PSME3IP1: variants seen among roughly 807,000 people sequenced by gnomAD.
The protein encoded by PSME3IP1 is proteasome activator subunit 3 interacting protein 1.
PSME3IP1 carries 13 observed loss-of-function variants against 34.1 expected under a neutral mutation model. The ratio of observed to expected loss-of-function variants is 0.38; its 90% CI spans 0.25 to 0.61. PSME3IP1 has a LOEUF of 0.61. PSME3IP1 is among the 20% of genes least tolerant of loss of function. The pLI, the probability that PSME3IP1 is intolerant of heterozygous loss-of-function variation, is 0.60. For synonymous variants in PSME3IP1, 93 were observed against 114.3 expected, an observed-to-expected ratio of 0.81 and a Z score of 1.19; for missense variants, 237 against 301.4, an observed-to-expected ratio of 0.79 and a Z score of 1.58.
At position 57,185,917 on chromosome 16, in the gene PSME3IP1, G is replaced by C; in HGVS notation, c.-112C>G. ...TCGCTCTTAAAAAAGAAAAAAAAAT[G>C]AAAGGAAGAAAGAAAGAAACAGAGG... On this transcript the variant is annotated 5_prime_UTR_variant, in exon 1 of 7. Coordinates refer to ENST00000309137, the MANE Select transcript of PSME3IP1 (RefSeq NM_024946.4). The C allele has an allele frequency of 2.0e-6, 2 of 981,704 alleles. No individual in the cohort carries two copies. Among genetic ancestry groups the C allele is most frequent in the Non-Finnish European group, 2.4e-6 (2 of 828,680 alleles). The allele number at this position is 981,704 out of a possible 1,614,324, so 60.8% of individuals were successfully genotyped here.
chr16:57,154,210 TGAGGGA>T lies in PSME3IP1; in HGVS notation c.*74_*79del. 3.3e-6 allele frequency: 4 copies of T among 1,220,924 alleles called. No homozygotes were observed. Among genetic ancestry groups the T allele is most frequent in the South Asian group, 2.7e-5 (2 of 73,916 alleles). 75.6% of individuals were successfully genotyped at this position (1,220,924 alleles called of 1,614,324 possible). A position where few individuals can be genotyped will look rare whatever the true frequency, so the allele number is the denominator to read the frequency against. ...GGATGCAGGCAAAGGAGTTTTTTTT[TGAGGGA>T]CATAATGCCTATAGGCAGCATGAAC... On this transcript the variant is annotated 3_prime_UTR_variant, in exon 7 of 7. Transcript: ENST00000309137. This position sits in a 1 kb window ranked among gnomAD's most constrained non-coding sequence, Gnocchi z 4.0.
At chr16:57,180,464 C>A (rs1295604599) in intron 1 of PSME3IP1, among the ~76,000 whole-genome samples, 2 of 152,006 alleles carry the variant, frequency 1.3e-5, no homozygotes, top group Non-Finnish European at 2.9e-5. Flanking sequence ...GTGACATGTG[C>A]CTGTAATGCC....
intron 1 of PSME3IP1, among the ~76,000 whole-genome samples, chr16:57,179,910 T>C (rs2073536919): frequency 6.6e-6 from 1 of 152,254 alleles, no homozygotes; most frequent in South Asian, 2.1e-4. Flanking sequence ...GGCTAACTCA[T>C]CTATATTTCA....
chr16:57,154,428 G>A lies in PSME3IP1; in HGVS notation c.627C>T (p.Ile209=), dbSNP rs746110478. ...AGGCACCCAGGCCTGGGAGGATGCC[G>A]ATACATACTGCAGCAGAGGGGCAGT... The part of the protein sequence containing the change: ...SIHCPSAAVC[I]GILPGLGAYS... Residue 209 remains isoleucine, a synonymous_variant, in exon 7 of 7, where the codon ATC becomes ATT. Transcript: ENST00000309137. This position sits in a 1 kb window ranked among gnomAD's most constrained non-coding sequence, Gnocchi z 4.0. 27 of 1,613,958 alleles carry A rather than the reference G, an allele frequency of 1.7e-5. No individual in the cohort carries two copies. Among genetic ancestry groups the A allele is most frequent in the Admixed American group, 8.3e-5 (5 of 59,992 alleles).
At chr16:57,166,512 C>G (rs1157543416) in intron 5 of PSME3IP1, among the ~76,000 whole-genome samples, 2 of 152,156 alleles carry the variant, frequency 1.3e-5, no homozygotes, top group Non-Finnish European at 2.9e-5. Flanking sequence ...TGTCAAAGCC[C>G]TAGTTGTCCT....
At chr16:57,166,883 A>T (rs1249951033) in intron 5 of PSME3IP1, among the ~76,000 whole-genome samples, 1 of 152,230 alleles carries the variant, frequency 6.6e-6, no homozygotes, top group African/African-American at 2.4e-5. Flanking sequence ...AAGAGTAGCT[A>T]TTATTTATAT....
Position 57,173,690 on chromosome 16 carries a change from G to A in PSME3IP1, c.127+38C>T, listed in dbSNP as rs1395831153. ...AATACCTACTCTGCAGGGTTGCTGTGTGGATTAAAGACCATTATACTGACT... is the reference window on the plus strand; with the variant it reads ...AATACCTACTCTGCAGGGTTGCTGTATGGATTAAAGACCATTATACTGACT... On this transcript the variant is annotated intron_variant, in intron 2 of 6. Coordinates refer to ENST00000309137, the MANE Select transcript of PSME3IP1 (RefSeq NM_024946.4). 12 of 1,610,326 alleles carry A rather than the reference G, an allele frequency of 7.5e-6. No homozygotes were observed. The Admixed American group carries it at 1.2e-4, about 16-fold the overall frequency.
chr16:57,155,904 A>G (rs1304387901), intron 6 of PSME3IP1, among the ~76,000 whole-genome samples: 1 of 151,928 alleles, frequency 6.6e-6, no homozygotes, highest in Non-Finnish European at 1.5e-5. Flanking sequence ...CAGGAGTTCA[A>G]GGTTACAGTG....
intron 1 of PSME3IP1, chr16:57,181,491 T>C (rs1213794373): frequency 1.3e-5 from 2 of 152,196 alleles, no homozygotes; most frequent in South Asian, 4.1e-4. Context: ...AACCAACCAA[T>C]TCTGTAGCAG....
intron 1 of PSME3IP1, among the ~76,000 whole-genome samples, chr16:57,182,728 G>A (rs546836794): frequency 2.0e-5 from 3 of 150,084 alleles, no homozygotes; most frequent in East Asian, 3.9e-4. Flanking sequence ...TGACCAACAT[G>A]GTGAAACTCC....
chr16:57,183,219 C>A (rs1281583836), intron 1 of PSME3IP1, among the ~76,000 whole-genome samples: 2 of 152,180 alleles, frequency 1.3e-5, no homozygotes, highest in African/African-American at 4.8e-5. Flanking sequence ...GGAAATCACA[C>A]AAATTTCACA....
intron 1 of PSME3IP1, among the ~76,000 whole-genome samples, chr16:57,183,328 T>C (rs1393415006): frequency 1.3e-5 from 2 of 152,094 alleles, no homozygotes; most frequent in African/African-American, 4.8e-5. Flanking sequence ...TGCTGGAAAT[T>C]TGTCAAAAAT....
At chr16:57,178,179 G>A (rs1184285146) in intron 1 of PSME3IP1, among the ~76,000 whole-genome samples, 2 of 152,082 alleles carry the variant, frequency 1.3e-5, no homozygotes, top group Admixed American at 6.6e-5. Context: ...TCTTCTGTAG[G>A]TCTTCATTCT....
rs62037355 is a variant in PSME3IP1 at position 57,154,829 on chromosome 16, G to C, written c.548-322C>G. Among the ~76,000 whole-genome samples, 2,937 of 152,306 alleles carry C rather than the reference G, an allele frequency of 0.019. 42 individuals carry two copies. The highest frequency in any genetic ancestry group is 0.03 in the Non-Finnish European group (2,023 of 68,022). ...GGAGAACAAGCTACTCTGGAGTGTA[G>C]CCTAGAGTGCTTTGATTTCCCTGTG... On this transcript the variant is annotated intron_variant, in intron 6 of 6. Coordinates refer to ENST00000309137, the MANE Select transcript of PSME3IP1 (RefSeq NM_024946.4). The surrounding 1 kb of genome is among the most constrained non-coding windows in gnomAD (Gnocchi z 4.0).
At chr16:57,161,604 T>C (rs1430824762) in intron 6 of PSME3IP1, among the ~76,000 whole-genome samples, 1 of 150,162 alleles carries the variant, frequency 6.7e-6, no homozygotes, top group Non-Finnish European at 1.5e-5. Flanking sequence ...CTCCACCTCC[T>C]GGGTTCAATG....
At chr16:57,179,332 A>C (rs2073484582) in intron 1 of PSME3IP1, among the ~76,000 whole-genome samples, 3 of 152,258 alleles carry the variant, frequency 2.0e-5, no homozygotes, top group Admixed American at 2.0e-4. Flanking sequence ...GCACAAATAA[A>C]GAACGTGGTT....
intron 4 of PSME3IP1, 79 bp downstream of exon 4, chr16:57,172,172 G>A: frequency 6.7e-7 from 1 of 1,496,642 alleles, no homozygotes; most frequent in South Asian, 1.2e-5. Context: ...CCCTCTTTCT[G>A]TTGATGAGGA....
chr16:57,164,584 A>C (rs2071633678), intron 5 of PSME3IP1, among the ~76,000 whole-genome samples: 1 of 152,250 alleles, frequency 6.6e-6, no homozygotes, highest in Non-Finnish European at 1.5e-5. Context: ...AAATACAAAT[A>C]TAAATCTAAA....
chr16:57,171,218 C>G (rs1212089371), intron 4 of PSME3IP1, among the ~76,000 whole-genome samples: 2 of 152,132 alleles, frequency 1.3e-5, no homozygotes, highest in Non-Finnish European at 2.9e-5. Context: ...GAGGAAACAG[C>G]AAGTCTGAGG....
Sources: allele counts gnomAD v4.1 joint callset (sites outside exome capture counted in the v4.1 genomes callset), GRCh38; gene constraint gnomAD v4.1.1; non-coding constraint Gnocchi (gnomAD v3.1); transcripts MANE v1.5; gene names NCBI Gene and HGNC (gene_info 2026-07-23, HGNC 2026-07-21).